TOR1A: variants seen among roughly 807,000 people sequenced by gnomAD.
TOR1A encodes the protein torsin family 1 member A.
TOR1A carries 18 observed loss-of-function variants against 31.4 expected under a neutral mutation model. That is an observed-to-expected ratio of 0.57 (90% CI 0.40 to 0.85). The LOEUF (loss-of-function observed/expected upper bound fraction) is 0.85, where lower values mean the gene tolerates loss of function less well. TOR1A is among the 40% of genes least tolerant of loss of function. TOR1A has a pLI of 0.00. For missense variants in TOR1A, 375 were observed against 416.4 expected (o/e 0.90, Z 0.87); for synonymous variants, 168 against 165.9 (o/e 1.01, Z -0.10).
At position 129,818,494 on chromosome 9, in the gene TOR1A, G is replaced by A. The variant is rs1231310297; in HGVS notation, c.748+26C>T. 8 of 1,613,546 alleles carry A rather than the reference G, an allele frequency of 5.0e-6. No homozygotes were observed. The East Asian group carries it at 6.7e-5, about 13-fold the overall frequency. On this transcript the variant is annotated intron_variant, in intron 4 of 4. Transcript: ENST00000351698. ...GGGTGCAGGATTAGGAACCAGATGG[G>A]ACTGGCGGTGGATGGCCCTACTCAC...
chr9:129,815,303 C>T (rs568464549), intron 4 of TOR1A, among the ~76,000 whole-genome samples: 1 of 152,332 alleles, frequency 6.6e-6, no homozygotes, highest in East Asian at 1.9e-4. Flanking sequence ...ACAGAACCAA[C>T]CACTGAATGG....
intron 4 of TOR1A, 72 bp from the exon 5 acceptor site, chr9:129,814,294 C>T (rs2030976772): frequency 1.9e-6 from 3 of 1,607,466 alleles, no homozygotes; most frequent in African/African-American, 2.7e-5. Flanking sequence ...CTGGGGGTCA[C>T]TTACCTACCC....
At chr9:129,815,954 T>G (rs1054562934) in intron 4 of TOR1A, among the ~76,000 whole-genome samples, 1 of 152,094 alleles carries the variant, frequency 6.6e-6, no homozygotes, top group African/African-American at 2.4e-5. Context: ...CTCCATCCAG[T>G]TGCCAGCAAG....
rs2031221454 is a variant in TOR1A, at chr9:129,822,926, A to T, written c.179-80T>A. 10 of 1,605,258 alleles carry T rather than the reference A, an allele frequency of 6.2e-6. No individual in the cohort carries two copies. The Admixed American group carries it at 1.7e-4, about 27-fold the overall frequency. On this transcript the variant is annotated intron_variant, in intron 1 of 4. Coordinates refer to ENST00000351698, the MANE Select transcript of TOR1A (RefSeq NM_000113.3). The stretch of plus-strand genomic sequence containing the variant: ...CACATTTACAGCCCATAAGAAAGCC[A>T]GCAAAGCCGTCTAGACGCCCTCCAA...
At chr9:129,819,629 C>T (rs1349228675) in intron 2 of TOR1A, among the ~76,000 whole-genome samples, 1 of 151,944 alleles carries the variant, frequency 6.6e-6, no homozygotes, top group African/African-American at 2.4e-5. Context: ...GGTATGGTGG[C>T]AGGTGCTTAT....
In TOR1A at chr9:129,813,566, C is replaced by G. The variant is rs1588214488; in HGVS notation, c.*406G>C. On this transcript the variant is annotated 3_prime_UTR_variant, in exon 5 of 5. Coordinates refer to ENST00000351698, the MANE Select transcript of TOR1A (RefSeq NM_000113.3). ...GAGAACTTAAAAAAAAACACACACA[C>G]AAGGCCAACAACTTAGAATCTGAGC... The G allele has an allele frequency of 6.6e-6, 2 of 302,918 alleles. No homozygotes were observed. The highest frequency in any genetic ancestry group is 1.8e-4 in the East Asian group (2 of 10,954). The allele number at this position is 302,918 out of a possible 1,614,324, so 18.8% of individuals were successfully genotyped here. A position where few individuals can be genotyped will look rare whatever the true frequency, so the allele number is the denominator to read the frequency against.
intron 4 of TOR1A, 112 bp from the exon 5 acceptor site, chr9:129,814,334 G>C: frequency 6.5e-7 from 1 of 1,533,320 alleles, no homozygotes; most frequent in South Asian, 1.2e-5. Context: ...GTCTACTGGG[G>C]GTCACCTATC....
intron 1 of TOR1A, chr9:129,823,412 G>C (rs1033854022): frequency 3.7e-6 from 1 of 269,932 alleles, no homozygotes; most frequent in Non-Finnish European, 7.3e-6. Context: ...TCCGGGGTCC[G>C]GCCCCCGCGG....
intron 2 of TOR1A, chr9:129,822,313 A>G: frequency 3.9e-6 from 2 of 507,248 alleles, no homozygotes; most frequent in Non-Finnish European, 7.2e-6. Context: ...TTGATCTCTA[A>G]GATGGATTTG....
intron 4 of TOR1A, 142 bp downstream of exon 4, chr9:129,818,378 C>G: frequency 7.6e-7 from 1 of 1,316,972 alleles, no homozygotes; most frequent in Admixed American, 1.7e-5. Flanking sequence ...AAAGATTCCC[C>G]TCATGACTCG....
At chr9:129,820,122 GT>G (rs766083166) in intron 2 of TOR1A, among the ~76,000 whole-genome samples, 4 of 150,392 alleles carry the variant, frequency 2.7e-5, no homozygotes, top group Non-Finnish European at 5.9e-5. Context: ...TCTAAGCACT[GT>G]TCATATAACT....
intron 2 of TOR1A, among the ~76,000 whole-genome samples, chr9:129,820,347 CTT>C (rs1282417284): frequency 1.3e-5 from 2 of 152,082 alleles, no homozygotes; most frequent in African/African-American, 4.8e-5. Context: ...GTCTTGAACT[CTT>C]GACCTTGTGA....
Position 129,813,567 on chromosome 9 carries a change from A to G in TOR1A, c.*405T>C. On this transcript the variant is annotated 3_prime_UTR_variant, in exon 5 of 5. Coordinates refer to ENST00000351698, the MANE Select transcript of TOR1A (RefSeq NM_000113.3). ...AGAACTTAAAAAAAAACACACACAC[A>G]AGGCCAACAACTTAGAATCTGAGCA... 3.2e-6 allele frequency: 1 copy of G among 308,656 alleles called. No homozygotes were observed. The highest frequency in any genetic ancestry group is 6.2e-6 in the Non-Finnish European group (1 of 160,372). 19.1% of individuals were successfully genotyped at this position (308,656 alleles called of 1,614,324 possible). A position where few individuals can be genotyped will look rare whatever the true frequency, so the allele number is the denominator to read the frequency against.
intron 4 of TOR1A, among the ~76,000 whole-genome samples, chr9:129,814,726 TG>T (rs983827670): frequency 4.0e-5 from 6 of 149,392 alleles, no homozygotes; most frequent in African/African-American, 1.5e-4. Flanking sequence ...AGAGGCAGAG[TG>T]GGGAAGGCAG....
chr9:129,814,014 G>A lies in TOR1A; in HGVS notation c.957C>T (p.Cys319=), dbSNP rs11546836. Residue 319 remains cysteine (C), a synonymous_variant, in exon 5 of 5, where the codon TGC becomes TGT. Transcript: ENST00000351698. ...AATCTAACTTGGTGAACACCGTTTT[G>A]CAGCCTTTATCTGAGAAAACTCTCT... ...KEERVFSDKG[C]KTVFTKLDYY... 2 of 1,614,200 alleles carry A rather than the reference G, an allele frequency of 1.2e-6. No individual in the cohort carries two copies. The highest frequency in any genetic ancestry group is 1.7e-6 in the Non-Finnish European group (2 of 1,180,040).
chr9:129,818,629 C>G lies in TOR1A; in HGVS notation c.639G>C (p.Arg213Ser). The G allele has an allele frequency of 6.2e-7, 1 of 1,614,242 alleles. No homozygotes were observed. Among genetic ancestry groups the G allele is most frequent in the Non-Finnish European group, 8.5e-7 (1 of 1,180,042 alleles). ...FIFLSNAGAERITDVALDFWR... is the reference protein window; with the variant it reads ...FIFLSNAGAESITDVALDFWR... The stretch of plus-strand genomic sequence containing the variant: ...AGAAATCCAAAGCCACATCTGTGAT[C>G]CTTTCTGCTCCAGCATTGCTGCAAA... The change falls in exon 4 of 5, where the codon AGG (arginine) becomes AGC (serine). Residue 213 changes from arginine (R) to serine (S), a missense_variant. Coordinates refer to ENST00000351698, the MANE Select transcript of TOR1A (RefSeq NM_000113.3).
intron 2 of TOR1A, among the ~76,000 whole-genome samples, chr9:129,819,634 G>A (rs935002017): frequency 3.9e-5 from 6 of 151,958 alleles, no homozygotes; most frequent in Non-Finnish European, 8.8e-5. Context: ...GGTGGCAGGT[G>A]CTTATAGTCC....
Position 129,823,890 on chromosome 9 carries a change from GC to G in TOR1A, c.178+17del, listed in dbSNP as rs748282250. 4.7e-5 allele frequency: 51 copies of G among 1,085,784 alleles called. No homozygotes were observed. The highest frequency in any genetic ancestry group is 1.7e-4 in the Admixed American group (8 of 46,024). 67.3% of individuals were successfully genotyped at this position (1,085,784 alleles called of 1,614,324 possible). A position where few individuals can be genotyped will look rare whatever the true frequency, so the allele number is the denominator to read the frequency against. On this transcript the variant is annotated intron_variant, in intron 1 of 4. Coordinates refer to ENST00000351698, the MANE Select transcript of TOR1A (RefSeq NM_000113.3). ...GCCCCAGCCCCAGCCCCAGCCTCCAGCCCCCGCCCCAGCCTACCCTCCCGGC... is the reference window on the plus strand; with the variant it reads ...GCCCCAGCCCCAGCCCCAGCCTCCAGCCCCGCCCCAGCCTACCCTCCCGGC...
intron 4 of TOR1A, 137 bp downstream of exon 4, chr9:129,818,383 G>T: frequency 1.5e-6 from 2 of 1,355,886 alleles, no homozygotes; most frequent in Non-Finnish European, 2.1e-6. Context: ...TTCCCCTCAT[G>T]ACTCGGAAGG....
Sources: gnomAD v4.1 joint callset for allele counts (sites outside exome capture counted in the v4.1 genomes callset) on GRCh38, gnomAD v4.1.1 for gene constraint, MANE v1.5 for transcripts, NCBI Gene and HGNC (gene_info 2026-07-23, HGNC 2026-07-21) for gene names.